The following TXNL1 variants were observed in gnomAD, a reference collection of about 807,000 sequenced individuals.
TXNL1 encodes the protein thioredoxin like 1.
In TXNL1, 14 loss-of-function variants were observed where a neutral mutation model predicts 35.5. That is an observed-to-expected ratio of 0.39 (90% confidence interval 0.26 to 0.62). The LOEUF is 0.62. Ranked by LOEUF, TXNL1 falls within the 20% of genes least tolerant of loss-of-function variation. The pLI, the probability that TXNL1 is intolerant of heterozygous loss-of-function variation, is 0.47. For synonymous variants in TXNL1, 110 were observed against 115.5 expected (o/e 0.95, Z 0.31); for missense variants, 263 against 349.7 (o/e 0.75, Z 1.98).
chr18:56,625,159 C>G (rs2024255913), intron 2 of TXNL1, among the ~76,000 whole-genome samples: 1 of 152,002 alleles, frequency 6.6e-6, no homozygotes, highest in Non-Finnish European at 1.5e-5. Flanking sequence ...CACTACTATA[C>G]TTTTTAAAGA....
Position 56,616,260 on chromosome 18 carries a change from G to T in TXNL1, c.547C>A (p.Gln183Lys). 6.2e-7 allele frequency: 1 copy of T among 1,613,578 alleles called. No individual in the cohort carries two copies. Among genetic ancestry groups the T allele is most frequent in the Non-Finnish European group, 8.5e-7 (1 of 1,179,800 alleles). The change falls in exon 5 of 8, where the codon CAA becomes AAA. Residue 183 changes from glutamine (Q) to lysine (K), a missense_variant. Transcript: ENST00000217515. ...QPVKLYSMKF[Q>K]GPDNGQGPKY... ...CTTTACTCACCATTATCTGGCCCTT[G>T]AAATTTCATGGAATAAAGCTTAACA...
chr18:56,627,823 A>C (rs2144326412), intron 1 of TXNL1, among the ~76,000 whole-genome samples: 1 of 151,680 alleles, frequency 6.6e-6, no homozygotes, highest in East Asian at 1.9e-4. Flanking sequence ...CCTCAAACTA[A>C]GCAATGATTT....
chr18:56,631,720 G>C (rs2024374257), intron 1 of TXNL1, among the ~76,000 whole-genome samples: 1 of 152,230 alleles, frequency 6.6e-6, no homozygotes, highest in African/African-American at 2.4e-5. Flanking sequence ...AGGAGTTCGA[G>C]ACCAGCCTAA....
chr18:56,618,221 A>G, intron 3 of TXNL1, 95 bp from the exon 4 acceptor site: 1 of 1,321,248 alleles, frequency 7.6e-7, no homozygotes, highest in Non-Finnish European at 1.0e-6. Context: ...AGGCAATTTT[A>G]AAGAAAACAC....
intron 3 of TXNL1, among the ~76,000 whole-genome samples, chr18:56,620,241 C>T (rs888083177): frequency 6.6e-6 from 1 of 152,170 alleles, no homozygotes; most frequent in African/African-American, 2.4e-5. Flanking sequence ...GCTGGGATTA[C>T]AGGCATGAGC....
chr18:56,632,095 T>C (rs565565068), intron 1 of TXNL1, among the ~76,000 whole-genome samples: 1 of 152,268 alleles, frequency 6.6e-6, no homozygotes, highest in African/African-American at 2.4e-5. Context: ...TAATCCAAGA[T>C]CAGCTTTCTT....
intron 5 of TXNL1, among the ~76,000 whole-genome samples, chr18:56,615,024 A>T (rs895315628): frequency 2.6e-5 from 4 of 152,254 alleles, no homozygotes; most frequent in African/African-American, 9.6e-5. Context: ...TATAGTTGCC[A>T]ATAGTTGGTA....
intron 7 of TXNL1, among the ~76,000 whole-genome samples, chr18:56,605,686 CA>C (rs2023881435): frequency 6.6e-6 from 1 of 152,160 alleles, no homozygotes; most frequent in Non-Finnish European, 1.5e-5. Context: ...CAACAACAAA[CA>C]GCCAAAGTAT....
Position 56,602,567 on chromosome 18 carries a change from CAGAT to C in TXNL1, c.*456_*459del, listed in dbSNP as rs2023824395. ...TATAATTTGAGTAATTTCCATAGCTCAGATATACAAATGTCCTTTAATAAAAATG... is the reference window on the plus strand; with the variant it reads ...TATAATTTGAGTAATTTCCATAGCTCATACAAATGTCCTTTAATAAAAATG... On this transcript the variant is annotated 3_prime_UTR_variant, in exon 8 of 8. Coordinates refer to ENST00000217515, the MANE Select transcript of TXNL1 (RefSeq NM_004786.3). 6.2e-6 allele frequency: 1 copy of C among 160,306 alleles called. No individual in the cohort carries two copies. Among genetic ancestry groups the C allele is most frequent in the Admixed American group, 6.5e-5 (1 of 15,476 alleles). The allele number at this position is 160,306 out of a possible 1,614,324, so 9.9% of individuals were successfully genotyped here.
At position 56,638,323 on chromosome 18, in the gene TXNL1, G is replaced by A. The variant is rs773375345; in HGVS notation, c.98+20C>T. 5.6e-6 allele frequency: 9 copies of A among 1,599,620 alleles called. No individual in the cohort carries two copies. Among genetic ancestry groups the A allele is most frequent in the East Asian group, 4.5e-5 (2 of 44,284 alleles). On this transcript the variant is annotated intron_variant, in intron 1 of 7. Transcript: ENST00000217515. ...AAGGAAGGACAGACGGGGACCCACA[G>A]AGCTCGAGCCTGGCCTCACCCTCTC...
intron 5 of TXNL1, 28 bp from the exon 6 acceptor site, chr18:56,614,624 G>A (rs756319114): frequency 6.3e-7 from 1 of 1,579,528 alleles, no homozygotes; most frequent in Non-Finnish European, 8.6e-7. Context: ...AAAATAAAAT[G>A]TTTAAAAACC....
intron 1 of TXNL1, among the ~76,000 whole-genome samples, chr18:56,632,662 T>C (rs1435876871): frequency 6.6e-6 from 1 of 152,232 alleles, no homozygotes; most frequent in Non-Finnish European, 1.5e-5. Context: ...TATGATTCTG[T>C]TTCTATAAAG....
chr18:56,605,945 A>C (rs2023885343), intron 7 of TXNL1, among the ~76,000 whole-genome samples: 1 of 152,382 alleles, frequency 6.6e-6, no homozygotes, highest in East Asian at 1.9e-4. Flanking sequence ...CAAGATAAAA[A>C]TATAAACTGA....
chr18:56,611,320 C>G (rs2023987080), intron 6 of TXNL1, among the ~76,000 whole-genome samples: 1 of 151,684 alleles, frequency 6.6e-6, no homozygotes. Context: ...GCCACCGTGG[C>G]AAAACCCCAT....
intron 3 of TXNL1, among the ~76,000 whole-genome samples, chr18:56,622,030 A>T (rs1333164852): frequency 1.3e-5 from 2 of 149,944 alleles, no homozygotes; most frequent in African/African-American, 4.9e-5. Context: ...AAAAAAAAAA[A>T]TTAATTAAAT....
At position 56,626,234 on chromosome 18, in the gene TXNL1, C is replaced by T. The variant is rs778221892; in HGVS notation, c.195+127G>A. ...ATGACATCTGTAATAATGACATCAACATAACATCTTCCTATCTTCAAAGGA... is the reference window on the plus strand; with the variant it reads ...ATGACATCTGTAATAATGACATCAATATAACATCTTCCTATCTTCAAAGGA... On this transcript the variant is annotated intron_variant, in intron 2 of 7. Coordinates refer to ENST00000217515, the MANE Select transcript of TXNL1 (RefSeq NM_004786.3). The T allele has an allele frequency of 6.2e-6, 9 of 1,450,196 alleles. No individual in the cohort carries two copies. The South Asian group carries it at 1.1e-4, about 18-fold the overall frequency. 89.8% of individuals were successfully genotyped at this position (1,450,196 alleles called of 1,614,324 possible).
intron 7 of TXNL1, among the ~76,000 whole-genome samples, chr18:56,605,436 G>T (rs571549206): frequency 6.6e-6 from 1 of 152,080 alleles, no homozygotes. Flanking sequence ...ACGGTGAATG[G>T]CCAGTTTAGA....
At chr18:56,610,034 T>TA (rs1480041801) in intron 7 of TXNL1, 2 of 5,052 alleles carry the variant, frequency 4.0e-4, no homozygotes, top group African/African-American at 4.2e-4. Context: ...GATCTGTAGA[T>TA]GCACCAAAAA....
rs1433785751 is a variant in TXNL1 at position 56,599,205 on chromosome 18, C to T, written c.*3822G>A. ...TCTCCAACTAATAATTTTACATGGA[C>T]CACAAAGTTTAAAAGCGATCTTATT... On this transcript the variant is annotated 3_prime_UTR_variant, in exon 8 of 8. Transcript: ENST00000217515. 6.6e-6 allele frequency: 1 copy of T among 151,776 alleles called. No individual in the cohort carries two copies. The highest frequency in any genetic ancestry group is 6.6e-5 in the Admixed American group (1 of 15,222). 9.4% of individuals were successfully genotyped at this position (151,776 alleles called of 1,614,324 possible).
Sources: gnomAD v4.1 joint callset for allele counts (sites outside exome capture counted in the v4.1 genomes callset) on GRCh38, gnomAD v4.1.1 for gene constraint, MANE v1.5 for transcripts, NCBI Gene and HGNC (gene_info 2026-07-23, HGNC 2026-07-21) for gene names.